GALNT13: variants seen among roughly 807,000 people sequenced by gnomAD.
The protein encoded by GALNT13 is polypeptide N-acetylgalactosaminyltransferase 13, also known as UDP-GalNAc:polypeptide N-acetylgalactosaminyltransferase 13.
GALNT13 carries 28 observed loss-of-function variants against 64.2 expected under a neutral mutation model. That is an observed-to-expected ratio of 0.44 (90% CI 0.32 to 0.60). The LOEUF is 0.60. Ranked by LOEUF, GALNT13 falls within the 20% of genes least tolerant of loss-of-function variation. The probability of loss-of-function intolerance (pLI) is 0.05; values close to 1 mark genes in which losing one functional copy is unlikely to be tolerated. For missense variants in GALNT13, 577 were observed against 669.8 expected (o/e 0.86, Z 1.53); for synonymous variants, 214 against 224.6 (o/e 0.95, Z 0.42).
intron 4 of GALNT13, among the ~76,000 whole-genome samples, chr2:154,173,238 T>C (rs1450132697): frequency 1.3e-5 from 2 of 151,974 alleles, no homozygotes; most frequent in Non-Finnish European, 2.9e-5. Flanking sequence ...ATGAACAGTC[T>C]CTTTGATAAA....
chr2:153,504,298 C>A, the GALNT13 span, among the ~76,000 whole-genome samples: 2 of 152,070 alleles, frequency 1.3e-5, no homozygotes, highest in Non-Finnish European at 2.9e-5. Context: ...GTCTTTAGAG[C>A]TTTCTAGGTA....
chr2:153,310,429 C>T, the GALNT13 span, among the ~76,000 whole-genome samples: 7 of 152,034 alleles, frequency 4.6e-5, no homozygotes, highest in African/African-American at 1.7e-4. Flanking sequence ...AGACTTTTCC[C>T]CATATTTTGC....
chr2:153,301,865 T>C, the GALNT13 span, among the ~76,000 whole-genome samples: 1 of 147,260 alleles, frequency 6.8e-6, no homozygotes, highest in East Asian at 2.0e-4. Flanking sequence ...TAAGGTTGAA[T>C]AGTATTCCAC....
chr2:153,106,735 C>T, the GALNT13 span, among the ~76,000 whole-genome samples: 1 of 152,106 alleles, frequency 6.6e-6, no homozygotes, highest in African/African-American at 2.4e-5. Context: ...TTATGACTTG[C>T]AAATGGATGC....
intron 3 of GALNT13, among the ~76,000 whole-genome samples, chr2:153,964,679 T>G (rs999233032): frequency 5.3e-5 from 8 of 152,038 alleles, no homozygotes; most frequent in Admixed American, 3.9e-4. Flanking sequence ...TATATTTTGT[T>G]AAATTTCTTT....
At chr2:153,274,385 CACA>C in the GALNT13 span, among the ~76,000 whole-genome samples, 2 of 152,026 alleles carry the variant, frequency 1.3e-5, no homozygotes, top group Admixed American at 6.6e-5. Context: ...TGTCTTGCAC[CACA>C]ACATTTTCTA....
At chr2:154,135,008 T>C (rs1238907319) in intron 3 of GALNT13, among the ~76,000 whole-genome samples, 2 of 152,030 alleles carry the variant, frequency 1.3e-5, no homozygotes, top group Non-Finnish European at 2.9e-5. Flanking sequence ...AACAACAAAT[T>C]GGCATGTACA....
chr2:153,391,067 A>T, the GALNT13 span, among the ~76,000 whole-genome samples: 1 of 151,924 alleles, frequency 6.6e-6, no homozygotes, highest in Non-Finnish European at 1.5e-5. Context: ...CCATTCTTTT[A>T]TTGGGGGAAA....
At chr2:153,439,672 A>G in the GALNT13 span, among the ~76,000 whole-genome samples, 2 of 152,168 alleles carry the variant, frequency 1.3e-5, no homozygotes, top group African/African-American at 2.4e-5. Context: ...TTGGAAAAGC[A>G]TAGTATTAGG....
At chr2:154,344,560 C>T (rs540016254) in intron 9 of GALNT13, among the ~76,000 whole-genome samples, 56 of 152,030 alleles carry the variant, frequency 3.7e-4, no homozygotes, top group Admixed American at 9.8e-4. Flanking sequence ...GTGTTGTCTT[C>T]GTTTTTCCTA....
chr2:154,237,017 A>G (rs567212859), intron 4 of GALNT13, among the ~76,000 whole-genome samples: 12 of 152,068 alleles, frequency 7.9e-5, no homozygotes, highest in African/African-American at 2.9e-4. Flanking sequence ...AAAACTTTTG[A>G]TATAGCATTA....
chr2:154,367,155 T>G (rs1697414521), intron 9 of GALNT13, among the ~76,000 whole-genome samples: 1 of 93,450 alleles, frequency 1.1e-5, no homozygotes, highest in Admixed American at 1.3e-4. Context: ...ATAAAACAGC[T>G]GAGATGTAAA....
At chr2:153,827,774 A>T in the GALNT13 span, among the ~76,000 whole-genome samples, 1 of 152,182 alleles carries the variant, frequency 6.6e-6, no homozygotes, top group Non-Finnish European at 1.5e-5. Flanking sequence ...TTCAGCATTA[A>T]TTCACAAAGG....
the GALNT13 span, among the ~76,000 whole-genome samples, chr2:153,648,697 G>A: frequency 6.6e-6 from 1 of 152,058 alleles, no homozygotes; most frequent in African/African-American, 2.4e-5. Flanking sequence ...TTTTGTTGAA[G>A]GCCTTTTCTG....
intron 3 of GALNT13, among the ~76,000 whole-genome samples, chr2:154,137,892 A>G (rs1306548541): frequency 6.6e-6 from 1 of 152,102 alleles, no homozygotes; most frequent in East Asian, 1.9e-4. Flanking sequence ...TTCTTAAGAA[A>G]GAGCACATGC....
intron 3 of GALNT13, among the ~76,000 whole-genome samples, chr2:154,124,706 G>T (rs1682155179): frequency 6.6e-6 from 1 of 151,942 alleles, no homozygotes. Flanking sequence ...AAAATAATCA[G>T]TTTGGTATTA....
intron 10 of GALNT13, among the ~76,000 whole-genome samples, chr2:154,397,052 C>T (rs1031608139): frequency 6.6e-6 from 1 of 151,468 alleles, no homozygotes; most frequent in Non-Finnish European, 1.5e-5. Context: ...AATTATATTT[C>T]CTTTATGAAT....
the GALNT13 span, among the ~76,000 whole-genome samples, chr2:153,079,986 A>G: frequency 6.6e-6 from 1 of 150,928 alleles, no homozygotes; most frequent in Non-Finnish European, 1.5e-5. Flanking sequence ...TACATATGGC[A>G]AGTTGTATTT....
intron 11 of GALNT13, chr2:154,437,747 C>T (rs1246811276): frequency 2.7e-5 from 10 of 369,546 alleles, no homozygotes; most frequent in African/African-American, 1.3e-4. Context: ...CCCAGCCACT[C>T]GGGAGGCTGA....
Sources: gnomAD v4.1 joint callset for allele counts (sites outside exome capture counted in the v4.1 genomes callset) on GRCh38, gnomAD v4.1.1 for gene constraint, MANE v1.5 for transcripts, NCBI Gene and HGNC (gene_info 2026-07-23, HGNC 2026-07-21) for gene names.